The following PRUNE2 variants were observed in gnomAD, a reference collection of about 807,000 sequenced individuals.
PRUNE2 encodes protein prune homolog 2.
A neutral mutation model predicts 252.0 loss-of-function variants in PRUNE2; 164 were observed. The ratio of observed to expected loss-of-function variants is 0.65; its 90% CI spans 0.57 to 0.74. PRUNE2 has a LOEUF of 0.74. Among genes scored for constraint, PRUNE2 ranks in the 30% least tolerant of loss-of-function variants. The pLI, the probability that PRUNE2 is intolerant of heterozygous loss-of-function variation, is 0.00. For synonymous variants in PRUNE2, 1,292 were observed against 1,350.2 expected (o/e 0.96, Z 0.94); for missense variants, 3,495 against 3,711.0 (o/e 0.94, Z 1.51).
At chr9:76,651,039 G>A (rs951460708) in intron 11 of PRUNE2, among the ~76,000 whole-genome samples, 10 of 152,062 alleles carry the variant, frequency 6.6e-5, no homozygotes, top group Admixed American at 5.2e-4. Flanking sequence ...GGGATGACAG[G>A]AAATAGTACA....
At chr9:76,631,370 C>T (rs548918011) in intron 15 of PRUNE2, among the ~76,000 whole-genome samples, 48 of 152,280 alleles carry the variant, frequency 3.2e-4, no homozygotes, top group African/African-American at 1.1e-3. Flanking sequence ...TTTCCTCAAC[C>T]TGGATTGCTC....
intron 1 of PRUNE2, among the ~76,000 whole-genome samples, chr9:76,892,085 T>C (rs2062516474): frequency 6.6e-6 from 1 of 152,136 alleles, no homozygotes; most frequent in Admixed American, 6.5e-5. Flanking sequence ...AGATTCTACC[T>C]ACTGGTCTCA....
chr9:76,725,300 G>A (rs116051544), intron 6 of PRUNE2, among the ~76,000 whole-genome samples: 2 of 152,178 alleles, frequency 1.3e-5, no homozygotes, highest in African/African-American at 4.8e-5. Context: ...AGATCAAACT[G>A]TCTCTTTTGT....
At chr9:76,646,709 A>G (rs1199280585) in intron 11 of PRUNE2, among the ~76,000 whole-genome samples, 1 of 152,130 alleles carries the variant, frequency 6.6e-6, no homozygotes, top group Non-Finnish European at 1.5e-5. Context: ...ATTCTGAAGC[A>G]GGTTTGTATT....
chr9:76,613,612 T>C lies in PRUNE2; in HGVS notation c.*958A>G, dbSNP rs1397943838. 3 of 152,230 alleles carry C rather than the reference T, an allele frequency of 2.0e-5. No individual in the cohort carries two copies. Among genetic ancestry groups the C allele is most frequent in the African/African-American group, 7.2e-5 (3 of 41,460 alleles). 9.4% of individuals were successfully genotyped at this position (152,230 alleles called of 1,614,324 possible). ...AATCTTGTTGGCATTTTAAAGGGCATATGAAGACTATAAAGGAAATATTTT... is the reference window on the plus strand; with the variant it reads ...AATCTTGTTGGCATTTTAAAGGGCACATGAAGACTATAAAGGAAATATTTT... On this transcript the variant is annotated 3_prime_UTR_variant, in exon 19 of 19. Transcript: ENST00000376718.
intron 6 of PRUNE2, among the ~76,000 whole-genome samples, chr9:76,755,863 C>G (rs773566944): frequency 6.6e-6 from 1 of 152,082 alleles, no homozygotes; most frequent in Non-Finnish European, 1.5e-5. Flanking sequence ...CACCACGCCC[C>G]GGTAAATTTT....
chr9:76,673,238 C>T (rs1370170001), intron 9 of PRUNE2, among the ~76,000 whole-genome samples: 1 of 151,158 alleles, frequency 6.6e-6, no homozygotes, highest in Non-Finnish European at 1.5e-5. Flanking sequence ...ACCGATCCCA[C>T]AGAAATACAA....
intron 1 of PRUNE2, among the ~76,000 whole-genome samples, chr9:76,866,711 G>T (rs963683519): frequency 4.7e-5 from 7 of 148,602 alleles, no homozygotes; most frequent in African/African-American, 1.8e-4. Context: ...GAAAGGAAAG[G>T]AAGGAGGAAG....
At chr9:76,822,494 T>C (rs942598465) in intron 6 of PRUNE2, among the ~76,000 whole-genome samples, 2 of 152,166 alleles carry the variant, frequency 1.3e-5, no homozygotes, top group African/African-American at 2.4e-5. Context: ...CACATTGATA[T>C]AGTCAACATC....
intron 4 of PRUNE2, 151 bp downstream of exon 4, chr9:76,846,364 A>T: frequency 1.8e-6 from 1 of 569,752 alleles, no homozygotes; most frequent in Non-Finnish European, 3.0e-6. Context: ...ACTCTTTAAC[A>T]AACTCTTTAC....
rs2039891710 is a variant in PRUNE2 at position 76,665,210 on chromosome 9, C to G, written c.8277-9708G>C. ...TTCAGAGAAGGGCTCACAAGGCCCT[C>G]TTGACCTGGCCCCTAAGCCCAGACT... On this transcript the variant is annotated intron_variant, in intron 9 of 18. Coordinates refer to ENST00000376718, the MANE Select transcript of PRUNE2 (RefSeq NM_015225.3). Among the ~76,000 whole-genome samples, 8 of 152,240 alleles carry G rather than the reference C, an allele frequency of 5.3e-5. No individual in the cohort carries two copies. The South Asian group carries it at 1.7e-3, about 31-fold the overall frequency.
chr9:76,756,676 G>A (rs934806133), intron 6 of PRUNE2, among the ~76,000 whole-genome samples: 31 of 152,226 alleles, frequency 2.0e-4, no homozygotes, highest in Admixed American at 1.9e-3. Context: ...GTACTAGGAT[G>A]AGGAAAAGGC....
At position 76,614,278 on chromosome 9, in the gene PRUNE2, G is replaced by A; in HGVS notation, c.*292C>T. On this transcript the variant is annotated 3_prime_UTR_variant, in exon 19 of 19. Coordinates refer to ENST00000376718, the MANE Select transcript of PRUNE2 (RefSeq NM_015225.3). ...CTTACTGGTAAACACCAGTCTAAGG[G>A]ACAAAGTATCACTACACCGTGTTAA... 2.2e-6 allele frequency: 1 copy of A among 452,774 alleles called. No individual in the cohort carries two copies. The highest frequency in any genetic ancestry group is 3.9e-6 in the Non-Finnish European group (1 of 255,588). 28.0% of individuals were successfully genotyped at this position (452,774 alleles called of 1,614,324 possible). A position where few individuals can be genotyped will look rare whatever the true frequency, so the allele number is the denominator to read the frequency against.
intron 9 of PRUNE2, among the ~76,000 whole-genome samples, chr9:76,677,082 C>T (rs955498502): frequency 2.2e-4 from 34 of 152,230 alleles, no homozygotes; most frequent in Admixed American, 4.6e-4. Context: ...GCTGATTCAT[C>T]TTTCGCAATA....
intron 3 of PRUNE2, 119 bp from the exon 4 acceptor site, chr9:76,846,797 G>A: frequency 4.1e-6 from 3 of 727,738 alleles, no homozygotes; most frequent in Admixed American, 2.6e-5. Context: ...AAAATATGAG[G>A]GAACTCACAT....
intron 6 of PRUNE2, among the ~76,000 whole-genome samples, chr9:76,725,716 C>A (rs1036675012): frequency 6.6e-6 from 1 of 152,210 alleles, no homozygotes; most frequent in Non-Finnish European, 1.5e-5. Flanking sequence ...GCAGAGCCAG[C>A]AGTCTGTGTG....
intron 1 of PRUNE2, among the ~76,000 whole-genome samples, chr9:76,877,008 G>A (rs2061510691): frequency 6.6e-6 from 1 of 152,114 alleles, no homozygotes; most frequent in South Asian, 2.1e-4. Flanking sequence ...CTGCTAACTA[G>A]CAGTGAGTCT....
At chr9:76,874,576 A>G (rs2061381563) in intron 1 of PRUNE2, among the ~76,000 whole-genome samples, 1 of 152,346 alleles carries the variant, frequency 6.6e-6, no homozygotes, top group South Asian at 2.1e-4. Context: ...GGTCAGTCTA[A>G]TAGGAAAAAG....
intron 1 of PRUNE2, among the ~76,000 whole-genome samples, chr9:76,860,252 C>G (rs1421106276): frequency 2.6e-5 from 4 of 152,164 alleles, no homozygotes; most frequent in Non-Finnish European, 5.9e-5. Flanking sequence ...GGGAAGTTAT[C>G]GATCTTGTGA....
Sources: gnomAD v4.1 joint callset for allele counts (sites outside exome capture counted in the v4.1 genomes callset) on GRCh38, gnomAD v4.1.1 for gene constraint, MANE v1.5 for transcripts, NCBI Gene and HGNC (gene_info 2026-07-23, HGNC 2026-07-21) for gene names.